Variants in CXorf58 observed in about 807,000 individuals in gnomAD.
The protein encoded by CXorf58 is uncharacterized protein CXorf58.
In CXorf58, 24 loss-of-function variants were observed where a neutral mutation model predicts 26.0. The observed-to-expected ratio is 0.92, with a 90% CI of 0.67 to 1.30. The LOEUF is 1.30. Among genes scored for constraint, CXorf58 ranks in the 50% most tolerant of loss-of-function variants. CXorf58 has a pLI of 0.00. For synonymous variants in CXorf58, 87 were observed against 86.1 expected, an observed-to-expected ratio of 1.01 and a Z score of -0.06; for missense variants, 236 against 263.9, an observed-to-expected ratio of 0.89 and a Z score of 0.73.
chrX:23,933,041 A>G (rs1005130124), intron 6 of CXorf58, among the ~76,000 whole-genome samples: 13 of 111,202 alleles, frequency 1.2e-4, no homozygotes, highest in African/African-American at 4.2e-4. Flanking sequence ...CATGTCTGTA[A>G]TCCTAACACT....
At chrX:23,914,525 G>T (rs1229979482) in intron 3 of CXorf58, among the ~76,000 whole-genome samples, 1 of 112,015 alleles carries the variant, frequency 8.9e-6, no homozygotes, top group Non-Finnish European at 1.9e-5. Flanking sequence ...CTACCTGTAT[G>T]CCTTTTTATA....
At chrX:23,935,769 C>T (rs1400598890) in intron 7 of CXorf58, among the ~76,000 whole-genome samples, 1 of 107,511 alleles carries the variant, frequency 9.3e-6, no homozygotes, top group South Asian at 3.9e-4. Context: ...CCCAGGCCAG[C>T]GTAGTTGCCT....
rs748948577 is a variant in CXorf58 at position 23,927,415 on chromosome X, T to C, written c.555+45T>C. 3.3e-6 allele frequency: 3 copies of C among 913,756 alleles called. No homozygotes were observed. The South Asian group carries it at 1.0e-4, about 32-fold the overall frequency. The allele number at this position is 913,756 out of a possible 1,213,427, so 75.3% of individuals were successfully genotyped here. On this transcript the variant is annotated intron_variant, in intron 6 of 8. Coordinates refer to ENST00000379211, the MANE Select transcript of CXorf58 (RefSeq NM_152761.3). The stretch of plus-strand genomic sequence containing the variant: ...AAAAACAAACAAACCCAGCAAGTCT[T>C]CCTAACTCTGTCATCCAAGAAGATA...
At chrX:23,931,347 G>C (rs1425743133) in intron 6 of CXorf58, among the ~76,000 whole-genome samples, 1 of 112,064 alleles carries the variant, frequency 8.9e-6, no homozygotes, top group Middle Eastern at 4.2e-3. Context: ...CATTGTTGAC[G>C]TTTGAGTCCT....
rs375497273 is a variant in CXorf58 at position 23,916,311 on chromosome X, T to C, written c.406T>C (p.Leu136=). The change falls in exon 5 of 9, where the codon TTA becomes CTA. Residue 136 remains leucine, a synonymous_variant. Transcript: ENST00000379211. Reference sequence around the variant, plus strand: ...CAAGTATTTTAGTGGAAAAAATGTATTAATGCCGTCAAGTAAGGTGACGTT... The same window carrying C: ...CAAGTATTTTAGTGGAAAAAATGTACTAATGCCGTCAAGTAAGGTGACGTT... The part of the protein sequence containing the change: ...GYKYFSGKNV[L]MPSSKAVDDA... 8 of 1,175,020 alleles carry C rather than the reference T, an allele frequency of 6.8e-6. No homozygotes were observed. In the African/African-American group the frequency reaches 1.4e-4, roughly 21 times the overall value.
chrX:23,910,209 T>C (rs1339012327), intron 1 of CXorf58, 74 bp from the exon 2 acceptor site: 1 of 474,178 alleles, frequency 2.1e-6, no homozygotes, highest in Non-Finnish European at 3.5e-6. Flanking sequence ...AACAATCATA[T>C]GGCACTTGAG....
At chrX:23,919,010 C>A in intron 5 of CXorf58, among the ~76,000 whole-genome samples, 1 of 111,764 alleles carries the variant, frequency 8.9e-6, no homozygotes, top group Non-Finnish European at 1.9e-5. Flanking sequence ...TTTCTTTATC[C>A]TTGACCTTTG....
At chrX:23,916,889 C>CA (rs1171438687) in intron 5 of CXorf58, among the ~76,000 whole-genome samples, 436 of 64,169 alleles carry the variant, frequency 6.8e-3, no homozygotes, top group African/African-American at 0.022. Flanking sequence ...GACTCTGTCT[C>CA]AAAAAAAAAA....
At chrX:23,911,473 C>T (rs1927576710) in intron 2 of CXorf58, among the ~76,000 whole-genome samples, 1 of 110,690 alleles carries the variant, frequency 9.0e-6, no homozygotes, top group African/African-American at 3.3e-5. Flanking sequence ...ATACATGCCT[C>T]TTAATGATAT....
At chrX:23,938,772 G>A in intron 8 of CXorf58, 72 bp downstream of exon 8, 10 of 752,800 alleles carry the variant, frequency 1.3e-5, no homozygotes, top group Non-Finnish European at 1.9e-5. Flanking sequence ...CTGTACTTAC[G>A]TAAATGAAAT....
chrX:23,933,269 T>C (rs1292104586), intron 6 of CXorf58, among the ~76,000 whole-genome samples: 1 of 111,051 alleles, frequency 9.0e-6, no homozygotes, highest in Non-Finnish European at 1.9e-5. Context: ...GTGTGTGTGT[T>C]TGAAAGCATG....
Position 23,908,016 on chromosome X carries a change from C to G in CXorf58, c.-334C>G. On this transcript the variant is annotated 5_prime_UTR_variant, in exon 1 of 9. Coordinates refer to ENST00000379211, the MANE Select transcript of CXorf58 (RefSeq NM_152761.3). ...AAGCGCCGGCTCTGTGTGGACGGTA[C>G]GCGGAGGCGCGAGGAGGGAGGCGCC... is the stretch of plus-strand genomic sequence containing the variant. The G allele has an allele frequency of 4.4e-6, 1 of 225,098 alleles. No homozygotes were observed. Among genetic ancestry groups the G allele is most frequent in the Non-Finnish European group, 8.0e-6 (1 of 124,650 alleles). The allele number at this position is 225,098 out of a possible 1,213,427, so 18.6% of individuals were successfully genotyped here.
chrX:23,937,481 A>G (rs1471801424), intron 7 of CXorf58, among the ~76,000 whole-genome samples: 3 of 105,651 alleles, frequency 2.8e-5, no homozygotes, highest in Admixed American at 1.0e-4. Flanking sequence ...CTGGAGTACA[A>G]TGGCACAATC....
chrX:23,938,732 T>C (rs1734175394), intron 8 of CXorf58, 32 bp downstream of exon 8: 1 of 1,016,664 alleles, frequency 9.8e-7, no homozygotes, highest in Non-Finnish European at 1.3e-6. Flanking sequence ...TTCATTGTTT[T>C]GGACAATATT....
chrX:23,912,715 G>A (rs936709111), intron 3 of CXorf58, among the ~76,000 whole-genome samples: 21 of 111,590 alleles, frequency 1.9e-4, no homozygotes, highest in African/African-American at 5.9e-4. Flanking sequence ...CTACATTCCA[G>A]CCTGGGCGAC....
rs769037180 is a variant in CXorf58 at position 23,917,972 on chromosome X, C to A, written c.423+1644C>A. 4.5e-5 allele frequency among the ~76,000 whole-genome samples: 5 copies of A among 111,862 alleles called. No homozygotes were observed. The South Asian group carries it at 1.9e-3, about 42-fold the overall frequency. On this transcript the variant is annotated intron_variant, in intron 5 of 8. Transcript: ENST00000379211. The stretch of plus-strand genomic sequence containing the variant: ...TCTCCTGCCTCAACCTCCCGAGTAG[C>A]TGGGACTACAGGCTCCCGCCACCAC...
chrX:23,936,757 A>G (rs1047520760), intron 7 of CXorf58, among the ~76,000 whole-genome samples: 2 of 111,663 alleles, frequency 1.8e-5, no homozygotes, highest in African/African-American at 6.5e-5. Context: ...ACCCAATAAC[A>G]TAATTTAACC....
chrX:23,918,531 CTA>C (rs1304475418), intron 5 of CXorf58, among the ~76,000 whole-genome samples: 2 of 111,973 alleles, frequency 1.8e-5, no homozygotes, highest in Non-Finnish European at 3.8e-5. Context: ...ATTGTATTGT[CTA>C]TGTCTTGAAA....
intron 6 of CXorf58, among the ~76,000 whole-genome samples, chrX:23,934,006 G>A (rs1414577820): frequency 1.5e-4 from 16 of 108,580 alleles, no homozygotes; most frequent in African/African-American, 5.5e-4. Flanking sequence ...CCTCCAGCCT[G>A]GGTGACAGGA....
Sources: gnomAD v4.1 joint callset for allele counts (sites outside exome capture counted in the v4.1 genomes callset) on GRCh38, gnomAD v4.1.1 for gene constraint, MANE v1.5 for transcripts, NCBI Gene and HGNC (gene_info 2026-07-23, HGNC 2026-07-21) for gene names.